RNF220: variants seen among roughly 807,000 people sequenced by gnomAD.
The protein encoded by RNF220 is E3 ubiquitin-protein ligase RNF220.
Under a neutral mutation model 67.1 loss-of-function variants are expected in RNF220, and 7 were observed. That is an observed-to-expected ratio of 0.10 (90% CI 0.06 to 0.20). The LOEUF (loss-of-function observed/expected upper bound fraction) is 0.20, where lower values mean the gene tolerates loss of function less well. Ranked by LOEUF, RNF220 falls within the 10% of genes least tolerant of loss-of-function variation. The pLI is 1.00. For synonymous variants in RNF220, 270 were observed against 283.2 expected, an observed-to-expected ratio of 0.95 and a Z score of 0.47; for missense variants, 565 against 740.3, an observed-to-expected ratio of 0.76 and a Z score of 2.75.
chr1:44,417,959 G>C lies in RNF220; in HGVS notation c.625+5237G>C, dbSNP rs1489280054. ...GCGCGCCGCCTCGAGGGCCGGGAGCGCCCAGCCCGCGGCCGCACACACGAG... is the reference window on the plus strand; with the variant it reads ...GCGCGCCGCCTCGAGGGCCGGGAGCCCCCAGCCCGCGGCCGCACACACGAG... On this transcript the variant is annotated intron_variant, in intron 2 of 14. Coordinates refer to ENST00000361799, the MANE Select transcript of RNF220 (RefSeq NM_018150.4). The surrounding 1 kb of genome is among the most constrained non-coding windows in gnomAD (Gnocchi z 4.0). Among the ~76,000 whole-genome samples, 7 of 151,808 alleles carry C rather than the reference G, an allele frequency of 4.6e-5. No individual in the cohort carries two copies. The highest frequency in any genetic ancestry group is 1.7e-4 in the African/African-American group (7 of 41,380).
rs112841821 is a variant in RNF220, at chr1:44,537,164, C to G, written c.626-77001C>G. 6.0e-3 allele frequency among the ~76,000 whole-genome samples: 919 copies of G among 152,234 alleles called. 1 individual carries two copies. Among genetic ancestry groups the G allele is most frequent in the Non-Finnish European group, 0.011 (730 of 68,014 alleles). ...CTTTCTCTCTGCCCCTCTTCTACCC[C>G]CTGCATACACACACACACACAAACA... On this transcript the variant is annotated intron_variant, in intron 2 of 14. Transcript: ENST00000361799.
chr1:44,609,856 AG>A (rs1667541082), intron 2 of RNF220, among the ~76,000 whole-genome samples: 1 of 152,222 alleles, frequency 6.6e-6, no homozygotes, highest in Non-Finnish European at 1.5e-5. Flanking sequence ...AGCAAGGAAA[AG>A]GGACTCTCTG....
At chr1:44,557,155 A>T (rs1299794773) in intron 2 of RNF220, among the ~76,000 whole-genome samples, 1 of 146,024 alleles carries the variant, frequency 6.8e-6, no homozygotes, top group Non-Finnish European at 1.5e-5. Context: ...TGTATATATA[A>T]TATATATACA....
chr1:44,556,766 A>G (rs7554187), intron 2 of RNF220, among the ~76,000 whole-genome samples: 11,311 of 152,006 alleles, frequency 0.074, 1,275 homozygotes, highest in African/African-American at 0.25. Context: ...TCACTGTGTT[A>G]GCCAGGATGG....
At chr1:44,407,604 G>C (rs1289785284) in intron 1 of RNF220, among the ~76,000 whole-genome samples, 1 of 152,070 alleles carries the variant, frequency 6.6e-6, no homozygotes, top group Non-Finnish European at 1.5e-5. Context: ...CGACAGGGCC[G>C]GGGCCGGGCG....
At chr1:44,545,256 T>C (rs1246283645) in intron 2 of RNF220, among the ~76,000 whole-genome samples, 2 of 152,152 alleles carry the variant, frequency 1.3e-5, no homozygotes, top group African/African-American at 4.8e-5. Context: ...ATCTGGTACC[T>C]TCGGTTGGAG....
intron 2 of RNF220, among the ~76,000 whole-genome samples, chr1:44,428,899 T>A (rs549289158): frequency 1.3e-5 from 2 of 152,252 alleles, no homozygotes; most frequent in Non-Finnish European, 2.9e-5. Flanking sequence ...AGGAATTGGA[T>A]ACTTTCACTC....
In RNF220 at chr1:44,405,365, G is replaced by A. The variant is rs1647235234; in HGVS notation, c.-283G>A. 5.0e-6 allele frequency: 3 copies of A among 599,438 alleles called. No individual in the cohort carries two copies. Among genetic ancestry groups the A allele is most frequent in the Non-Finnish European group, 8.9e-6 (3 of 336,300 alleles). The allele number at this position is 599,438 out of a possible 1,614,324, so 37.1% of individuals were successfully genotyped here. A position where few individuals can be genotyped will look rare whatever the true frequency, so the allele number is the denominator to read the frequency against. On this transcript the variant is annotated 5_prime_UTR_variant, in exon 1 of 15. Transcript: ENST00000361799. ...AGGCAGCTCGCGAACACAAACCCGG[G>A]GCCAGCCGCCTACTGCTGCTGCTGC... is the stretch of plus-strand genomic sequence containing the variant.
chr1:44,449,096 G>T (rs1652403575), intron 2 of RNF220, among the ~76,000 whole-genome samples: 1 of 152,186 alleles, frequency 6.6e-6, no homozygotes, highest in African/African-American at 2.4e-5. Flanking sequence ...GTTTGGAGAG[G>T]CAGCATAACC....
intron 2 of RNF220, among the ~76,000 whole-genome samples, chr1:44,482,241 A>G (rs907044193): frequency 2.6e-5 from 4 of 152,202 alleles, no homozygotes; most frequent in Non-Finnish European, 4.4e-5. Context: ...TCATTTTTCC[A>G]TAGAGAAATA....
chr1:44,589,487 G>A (rs917951852), intron 2 of RNF220, among the ~76,000 whole-genome samples: 12 of 151,988 alleles, frequency 7.9e-5, no homozygotes, highest in Admixed American at 2.0e-4. Flanking sequence ...GGTGACGGGC[G>A]CCTGTAGTCC....
intron 2 of RNF220, among the ~76,000 whole-genome samples, chr1:44,587,295 C>T (rs1665774733): frequency 6.6e-6 from 1 of 151,798 alleles, no homozygotes; most frequent in South Asian, 2.1e-4. Context: ...TTACAGGCAC[C>T]CGCCACCACG....
intron 4 of RNF220, among the ~76,000 whole-genome samples, chr1:44,623,591 C>T (rs1643870553): frequency 1.3e-5 from 2 of 152,180 alleles, no homozygotes; most frequent in South Asian, 4.1e-4. Flanking sequence ...TTATTCAGAA[C>T]AGGAGGCCAC....
At position 44,405,395 on chromosome 1, in the gene RNF220, G is replaced by T; in HGVS notation, c.-253G>T. 1 of 628,692 alleles carries T rather than the reference G, an allele frequency of 1.6e-6. No homozygotes were observed. 38.9% of individuals were successfully genotyped at this position (628,692 alleles called of 1,614,324 possible). A position where few individuals can be genotyped will look rare whatever the true frequency, so the allele number is the denominator to read the frequency against. On this transcript the variant is annotated 5_prime_UTR_variant, in exon 1 of 15. Coordinates refer to ENST00000361799, the MANE Select transcript of RNF220 (RefSeq NM_018150.4). ...GCCGCCTACTGCTGCTGCTGCTGCT[G>T]CCGCTGCCGCCGCCGCCGCCGCCGC... is the stretch of plus-strand genomic sequence containing the variant.
intron 2 of RNF220, among the ~76,000 whole-genome samples, chr1:44,578,973 G>A (rs936068655): frequency 6.6e-6 from 1 of 151,954 alleles, no homozygotes; most frequent in Non-Finnish European, 1.5e-5. Flanking sequence ...AGACCATCCT[G>A]GCTAATACAG....
chr1:44,470,974 C>T (rs1056007587), intron 2 of RNF220, among the ~76,000 whole-genome samples: 1 of 152,144 alleles, frequency 6.6e-6, no homozygotes, highest in Non-Finnish European at 1.5e-5. Context: ...CAGCATTGAC[C>T]TCCACCTCCA....
At chr1:44,538,508 C>T (rs1014705082) in intron 2 of RNF220, among the ~76,000 whole-genome samples, 2 of 152,342 alleles carry the variant, frequency 1.3e-5, no homozygotes, top group Admixed American at 1.3e-4. Flanking sequence ...GTAAACTGCT[C>T]TCTCAAACAG....
intron 2 of RNF220, among the ~76,000 whole-genome samples, chr1:44,488,727 CTTTTTTTTTTTTT>C (rs55968850): frequency 9.7e-6 from 1 of 102,566 alleles, no homozygotes; most frequent in Non-Finnish European, 1.9e-5. Flanking sequence ...TTTCTTTTTT[CTTTTTTTTTTTTT>C]TTTTTTTTGA....
intron 2 of RNF220, among the ~76,000 whole-genome samples, chr1:44,481,648 T>G (rs547509468): frequency 6.6e-6 from 1 of 152,224 alleles, no homozygotes; most frequent in Admixed American, 6.5e-5. Context: ...CATGTATCCC[T>G]TTTCTTTGGT....
Sources: gnomAD v4.1 joint callset for allele counts (sites outside exome capture counted in the v4.1 genomes callset) on GRCh38, gnomAD v4.1.1 for gene constraint, Gnocchi (gnomAD v3.1) non-coding constraint, MANE v1.5 for transcripts, NCBI Gene and HGNC (gene_info 2026-07-23, HGNC 2026-07-21) for gene names.